Variants in KIRREL3 observed in about 807,000 individuals in gnomAD.
KIRREL3 encodes kin of IRRE-like protein 3.
A neutral mutation model predicts 89.7 loss-of-function variants in KIRREL3; 36 were observed. The observed-to-expected ratio is 0.40, with a 90% CI of 0.31 to 0.53. KIRREL3 has a LOEUF of 0.53. Among genes scored for constraint, KIRREL3 ranks in the 20% least tolerant of loss-of-function variants. KIRREL3 has a pLI of 0.49. For missense variants in KIRREL3, 864 were observed against 1,056.6 expected (o/e 0.82, Z 2.53); for synonymous variants, 445 against 441.4 (o/e 1.01, Z -0.10).
rs538398091 is a variant in KIRREL3, at chr11:126,982,957, T to A, written c.55+17498A>T. ...TAAGAATCATTTAGTGAGGTTTAAC[T>A]ACAGCATCTAATAGATGTGCCTGCT... On this transcript the variant is annotated intron_variant, in intron 1 of 16. Coordinates refer to ENST00000525144, the MANE Select transcript of KIRREL3 (RefSeq NM_032531.4). Among the ~76,000 whole-genome samples, 79 of 152,360 alleles carry A rather than the reference T, an allele frequency of 5.2e-4. 1 individual carries two copies. The Middle Eastern group carries it at 0.01, about 20-fold the overall frequency.
At position 126,830,988 on chromosome 11, in the gene KIRREL3, AC is replaced by A. The variant is rs1943584834; in HGVS notation, c.55+169466del. 6.6e-6 allele frequency among the ~76,000 whole-genome samples: 1 copy of A among 152,098 alleles called. No individual in the cohort carries two copies. The highest frequency in any genetic ancestry group is 2.4e-5 in the African/African-American group (1 of 41,422). ...ATCACCCAGATTTCACAGATGCTAA[AC>A]CCCCAGCATAGCAGTTAGGAGCATG... On this transcript the variant is annotated intron_variant, in intron 1 of 16. Transcript: ENST00000525144. The surrounding 1 kb of genome is among the most constrained non-coding windows in gnomAD (Gnocchi z 4.9).
chr11:126,451,382 G>GTGTA (rs1956143271), intron 7 of KIRREL3, among the ~76,000 whole-genome samples: 1 of 143,404 alleles, frequency 7.0e-6, no homozygotes, highest in African/African-American at 2.6e-5. Flanking sequence ...GTGAGCGTGT[G>GTGTA]CATGTGTGAA....
Position 126,431,462 on chromosome 11 carries a change from A to T in KIRREL3, c.1653T>A (p.Leu551=), listed in dbSNP as rs371190191. 3 of 1,614,000 alleles carry T rather than the reference A, an allele frequency of 1.9e-6. No homozygotes were observed. Among genetic ancestry groups the T allele is most frequent in the Non-Finnish European group, 1.7e-6 (2 of 1,179,888 alleles). The change falls in exon 14 of 17, where the codon CTT becomes CTA. Residue 551 remains leucine, a synonymous_variant. Transcript: ENST00000525144. This position sits in a 1 kb window ranked among gnomAD's most constrained non-coding sequence, Gnocchi z 7.1. ...AVGAGVAFLV[L]MATIVAFCCA... ...AGCAGAACGCCACGATGGTTGCCAT[A>T]AGGACGAGGAAGGCCACACCAGCTC...
In KIRREL3 at chr11:126,550,556, G is replaced by A. The variant is rs1439717189; in HGVS notation, c.133+12279C>T. The stretch of plus-strand genomic sequence containing the variant: ...CCAGCTACTCAGGAGGCTGAGGCAG[G>A]AGAATCGCTTGAACGCGGGAGGCGG... On this transcript the variant is annotated intron_variant, in intron 2 of 16. Transcript: ENST00000525144. This position sits in a 1 kb window ranked among gnomAD's most constrained non-coding sequence, Gnocchi z 4.9. 6.6e-6 allele frequency: 1 copy of A among 152,266 alleles called. No individual in the cohort carries two copies. Among genetic ancestry groups the A allele is most frequent in the Non-Finnish European group, 1.5e-5 (1 of 68,126 alleles). The allele number at this position is 152,266 out of a possible 1,614,324, so 9.4% of individuals were successfully genotyped here.
At chr11:126,680,544 G>A (rs117716335) in intron 1 of KIRREL3, among the ~76,000 whole-genome samples, 1 of 152,240 alleles carries the variant, frequency 6.6e-6, no homozygotes, top group Non-Finnish European at 1.5e-5. Flanking sequence ...TTTAGGGCAG[G>A]AGCTATCTAG....
At position 126,443,192 on chromosome 11, in the gene KIRREL3, ATGAG is replaced by A. The variant is rs906391396; in HGVS notation, c.1252+1783_1252+1786del. Among the ~76,000 whole-genome samples, 6 of 152,138 alleles carry A rather than the reference ATGAG, an allele frequency of 3.9e-5. No individual in the cohort carries two copies. Among genetic ancestry groups the A allele is most frequent in the Admixed American group, 2.6e-4 (4 of 15,274 alleles). On this transcript the variant is annotated intron_variant, in intron 10 of 16. Transcript: ENST00000525144. This position sits in a 1 kb window ranked among gnomAD's most constrained non-coding sequence, Gnocchi z 7.3. Reference sequence around the variant, plus strand: ...TCCAGGCTTGGGGGCCCTGGAGTGCATGAGTGAGTGTGAGGGTCCCGGGCTGGCT... The same window carrying A: ...TCCAGGCTTGGGGGCCCTGGAGTGCATGAGTGTGAGGGTCCCGGGCTGGCT...
intron 4 of KIRREL3, among the ~76,000 whole-genome samples, chr11:126,514,357 A>G (rs1958333844): frequency 2.6e-5 from 4 of 152,192 alleles, no homozygotes. Flanking sequence ...ATAAGCAGAT[A>G]AGGAAATCAA....
At position 126,533,927 on chromosome 11, in the gene KIRREL3, G is replaced by A. The variant is rs139920497; in HGVS notation, c.134-7240C>T. On this transcript the variant is annotated intron_variant, in intron 2 of 16. Transcript: ENST00000525144. ...AGCCACCCTCTGTCCTGAACACCAG[G>A]CCGCAGGCTGAGCTCCATAGGGCTG... 2.5e-4 allele frequency among the ~76,000 whole-genome samples: 38 copies of A among 152,302 alleles called. No individual in the cohort carries two copies. The East Asian group carries it at 4.6e-3, about 19-fold the overall frequency.
At chr11:126,497,430 C>A (rs1263710427) in intron 4 of KIRREL3, among the ~76,000 whole-genome samples, 10 of 152,184 alleles carry the variant, frequency 6.6e-5, no homozygotes, top group Non-Finnish European at 2.9e-5. Flanking sequence ...AAAGGGAGGC[C>A]TTTCCGGTAA....
Position 126,771,952 on chromosome 11 carries a change from C to T in KIRREL3, c.56-209040G>A, listed in dbSNP as rs1169148333. Among the ~76,000 whole-genome samples the T allele has an allele frequency of 1.3e-5, 2 of 152,188 alleles. No homozygotes were observed. Among genetic ancestry groups the T allele is most frequent in the African/African-American group, 2.4e-5 (1 of 41,452 alleles). ...TGCCTTGGCTAGATCCTAATGCCCT[C>T]GAATGCAGTCCAGCTTTCCTAAATG... On this transcript the variant is annotated intron_variant, in intron 1 of 16. Transcript: ENST00000525144. The surrounding 1 kb of genome is among the most constrained non-coding windows in gnomAD (Gnocchi z 4.4).
chr11:126,728,577 C>G (rs1476754585), intron 1 of KIRREL3, among the ~76,000 whole-genome samples: 1 of 152,160 alleles, frequency 6.6e-6, no homozygotes, highest in Non-Finnish European at 1.5e-5. Flanking sequence ...TGCTTGCCAC[C>G]TGCTGCACAC....
chr11:126,789,988 C>T (rs771999486), intron 1 of KIRREL3, among the ~76,000 whole-genome samples: 9 of 152,184 alleles, frequency 5.9e-5, no homozygotes, highest in South Asian at 2.1e-4. Flanking sequence ...GACCTCAAAA[C>T]GACACAGTCC....
chr11:126,494,008 A>C (rs113418821), intron 4 of KIRREL3, among the ~76,000 whole-genome samples: 2 of 152,338 alleles, frequency 1.3e-5, no homozygotes, highest in East Asian at 3.9e-4. Flanking sequence ...AAACCCCAGT[A>C]ATGGAAATAA....
In KIRREL3 at chr11:126,948,316, A is replaced by G. The variant is rs548042211; in HGVS notation, c.55+52139T>C. On this transcript the variant is annotated intron_variant, in intron 1 of 16. Coordinates refer to ENST00000525144, the MANE Select transcript of KIRREL3 (RefSeq NM_032531.4). The surrounding 1 kb of genome is among the most constrained non-coding windows in gnomAD (Gnocchi z 4.5). ...TAAAAAAAAAACCTCTTTGGCCTGA[A>G]CCTGTCCAACTTTATAGAGGGATCT... is the stretch of plus-strand genomic sequence containing the variant. Among the ~76,000 whole-genome samples the G allele has an allele frequency of 3.3e-5, 5 of 152,102 alleles. No individual in the cohort carries two copies. Among genetic ancestry groups the G allele is most frequent in the Non-Finnish European group, 1.5e-5 (1 of 68,012 alleles).
rs879772880 is a variant in KIRREL3 at position 126,900,792 on chromosome 11, T to G, written c.55+99663A>C. Among the ~76,000 whole-genome samples, 1 of 152,218 alleles carries G rather than the reference T, an allele frequency of 6.6e-6. No individual in the cohort carries two copies. Among genetic ancestry groups the G allele is most frequent in the Admixed American group, 6.5e-5 (1 of 15,286 alleles). ...TTGTATATCTTCAGGGCTGTTGAGC[T>G]CTTTCAGAGTATTCTGTTTGAGGGA... On this transcript the variant is annotated intron_variant, in intron 1 of 16. Transcript: ENST00000525144. The surrounding 1 kb of genome is among the most constrained non-coding windows in gnomAD (Gnocchi z 4.4).
At chr11:126,510,326 T>C (rs1015709058) in intron 4 of KIRREL3, among the ~76,000 whole-genome samples, 12 of 152,146 alleles carry the variant, frequency 7.9e-5, no homozygotes, top group African/African-American at 2.7e-4. Flanking sequence ...AAAACTCAGC[T>C]TCTGCTTGAA....
chr11:126,554,595 C>T (rs959018872), intron 2 of KIRREL3, among the ~76,000 whole-genome samples: 1 of 152,180 alleles, frequency 6.6e-6, no homozygotes. Flanking sequence ...CAGAGAAGGT[C>T]ACTGTCCTCA....
chr11:126,633,939 T>A (rs916722420), intron 1 of KIRREL3, among the ~76,000 whole-genome samples: 2 of 152,198 alleles, frequency 1.3e-5, no homozygotes, highest in Admixed American at 1.3e-4. Flanking sequence ...CACTGCAATG[T>A]CCCTCTTCAT....
chr11:126,533,852 G>T (rs988653764), intron 2 of KIRREL3, among the ~76,000 whole-genome samples: 4 of 152,152 alleles, frequency 2.6e-5, no homozygotes, highest in Non-Finnish European at 5.9e-5. Flanking sequence ...ACTTGACTCC[G>T]GGGCTGGCTC....
Sources: allele counts gnomAD v4.1 joint callset (sites outside exome capture counted in the v4.1 genomes callset), GRCh38; gene constraint gnomAD v4.1.1; non-coding constraint Gnocchi (gnomAD v3.1); transcripts MANE v1.5; gene names NCBI Gene and HGNC (gene_info 2026-07-23, HGNC 2026-07-21).